SMYD3: variants seen among roughly 807,000 people sequenced by gnomAD.
SMYD3 encodes the protein SET and MYND domain containing 3.
Under a neutral mutation model 57.7 loss-of-function variants are expected in SMYD3, and 36 were observed. The observed-to-expected ratio is 0.62, with a 90% confidence interval of 0.48 to 0.82. The LOEUF (loss-of-function observed/expected upper bound fraction) is 0.82, where lower values mean the gene tolerates loss of function less well. Among genes scored for constraint, SMYD3 ranks in the 40% least tolerant of loss-of-function variants. The pLI, the probability that SMYD3 is intolerant of heterozygous loss-of-function variation, is 0.00. For missense variants in SMYD3, 515 were observed against 538.8 expected (o/e 0.96, Z 0.44); for synonymous variants, 211 against 195.0 (o/e 1.08, Z -0.68).
intron 8 of SMYD3, among the ~76,000 whole-genome samples, chr1:245,873,544 T>A (rs1051323582): frequency 1.3e-5 from 2 of 152,236 alleles, no homozygotes; most frequent in Admixed American, 1.3e-4. Flanking sequence ...TTTGTCTTAA[T>A]GAAGACCAAA....
At chr1:245,752,240 A>T (rs1013382650) in intron 11 of SMYD3, among the ~76,000 whole-genome samples, 1 of 152,222 alleles carries the variant, frequency 6.6e-6, no homozygotes, top group African/African-American at 2.4e-5. Flanking sequence ...CACTGCCTGG[A>T]AAGATCTTTG....
At chr1:246,081,125 G>A (rs1193132762) in intron 5 of SMYD3, among the ~76,000 whole-genome samples, 1 of 152,214 alleles carries the variant, frequency 6.6e-6, no homozygotes, top group African/African-American at 2.4e-5. Flanking sequence ...TTAGCGTTGA[G>A]GAAGGAAAGA....
At position 246,458,541 on chromosome 1, in the gene SMYD3, G is replaced by A. The variant is rs575439732; in HGVS notation, c.164+48513C>T. The stretch of plus-strand genomic sequence containing the variant: ...GGCTCACTGCAACCTCCGCCTCCCA[G>A]GTTCACACCATTCTCCTGCCTCAGT... On this transcript the variant is annotated intron_variant, in intron 1 of 11. Transcript: ENST00000490107. 4.8e-5 allele frequency among the ~76,000 whole-genome samples: 7 copies of A among 145,392 alleles called. No homozygotes were observed. The South Asian group carries it at 1.5e-3, about 32-fold the overall frequency.
intron 5 of SMYD3, among the ~76,000 whole-genome samples, chr1:245,959,280 G>C (rs1264864197): frequency 6.6e-6 from 1 of 152,092 alleles, no homozygotes; most frequent in Non-Finnish European, 1.5e-5. Flanking sequence ...TTTACACTAA[G>C]TGAGGAGCAG....
chr1:246,460,798 C>A (rs1346094215), intron 1 of SMYD3, among the ~76,000 whole-genome samples: 1 of 152,184 alleles, frequency 6.6e-6, no homozygotes, highest in Non-Finnish European at 1.5e-5. Flanking sequence ...TTTTAATTAG[C>A]TAAACAAATC....
chr1:246,428,879 T>A (rs950945833), intron 1 of SMYD3, among the ~76,000 whole-genome samples: 4 of 151,778 alleles, frequency 2.6e-5, no homozygotes, highest in African/African-American at 9.7e-5. Flanking sequence ...TCTCTCCAGT[T>A]CCCTCTGCTC....
chr1:245,950,090 C>T (rs1162786749), intron 5 of SMYD3, among the ~76,000 whole-genome samples: 6 of 152,076 alleles, frequency 3.9e-5, no homozygotes, highest in Admixed American at 3.9e-4. Context: ...AGAAACATGA[C>T]AAAAGCAAGG....
At chr1:245,809,766 C>T (rs2048361949) in intron 10 of SMYD3, among the ~76,000 whole-genome samples, 2 of 152,202 alleles carry the variant, frequency 1.3e-5, no homozygotes. Flanking sequence ...CTTCCCAGGG[C>T]CACACTGCTC....
intron 5 of SMYD3, among the ~76,000 whole-genome samples, chr1:246,028,394 T>C (rs1233478096): frequency 6.6e-6 from 1 of 152,078 alleles, no homozygotes; most frequent in Non-Finnish European, 1.5e-5. Context: ...TTCAGTAAAG[T>C]TGCAAGATAC....
intron 1 of SMYD3, among the ~76,000 whole-genome samples, chr1:246,367,000 G>C (rs2066115296): frequency 6.6e-6 from 1 of 150,790 alleles, no homozygotes; most frequent in South Asian, 2.1e-4. Context: ...ATTTTTTGGG[G>C]AAAAAAAGAG....
intron 5 of SMYD3, among the ~76,000 whole-genome samples, chr1:246,246,823 A>G (rs2063711475): frequency 6.7e-6 from 1 of 148,354 alleles, no homozygotes; most frequent in Non-Finnish European, 1.5e-5. Flanking sequence ...CATTTACACT[A>G]TATATATTTT....
intron 5 of SMYD3, chr1:246,113,694 G>A (rs1392590851): frequency 6.6e-6 from 1 of 152,166 alleles, no homozygotes; most frequent in Non-Finnish European, 1.5e-5. Context: ...CACAGACAGG[G>A]AGGTTCCTGT....
chr1:246,437,172 T>A (rs1274287834), intron 1 of SMYD3, among the ~76,000 whole-genome samples: 1 of 152,184 alleles, frequency 6.6e-6, no homozygotes, highest in Non-Finnish European at 1.5e-5. Flanking sequence ...GTGCTGGGAT[T>A]TCAGAGTTTC....
chr1:245,869,437 T>C (rs1247864032), intron 8 of SMYD3, among the ~76,000 whole-genome samples: 2 of 152,218 alleles, frequency 1.3e-5, no homozygotes, highest in Non-Finnish European at 2.9e-5. Context: ...CTAGTCTGGA[T>C]GGCTGCTATG....
chr1:246,316,160 A>G (rs76581720), intron 5 of SMYD3, among the ~76,000 whole-genome samples: 2,364 of 152,332 alleles, frequency 0.016, 77 homozygotes, highest in East Asian at 0.13. Context: ...TTACATAACC[A>G]CAATATTTCT....
At chr1:246,393,369 C>A (rs188181281) in intron 1 of SMYD3, among the ~76,000 whole-genome samples, 124 of 152,130 alleles carry the variant, frequency 8.2e-4, no homozygotes, top group Middle Eastern at 3.4e-3. Flanking sequence ...TTCAGGATTC[C>A]TACATACATC....
intron 1 of SMYD3, among the ~76,000 whole-genome samples, chr1:246,423,780 G>A (rs1056799692): frequency 6.6e-6 from 1 of 152,112 alleles, no homozygotes; most frequent in East Asian, 1.9e-4. Context: ...TTTAAAAGAG[G>A]GAGGGAGAAG....
intron 5 of SMYD3, among the ~76,000 whole-genome samples, chr1:246,177,089 T>C (rs2062447599): frequency 6.6e-6 from 1 of 152,210 alleles, no homozygotes; most frequent in South Asian, 2.1e-4. Context: ...TATGATTTTA[T>C]TTATGGCTTG....
At chr1:246,255,772 ATTTT>A (rs34095220) in intron 5 of SMYD3, among the ~76,000 whole-genome samples, 8,699 of 135,648 alleles carry the variant, frequency 0.064, 402 homozygotes, top group African/African-American at 0.13. Flanking sequence ...TGTCTGGGGC[ATTTT>A]TTTTTTTTTT....
Sources: gnomAD v4.1 joint callset for allele counts (sites outside exome capture counted in the v4.1 genomes callset) on GRCh38, gnomAD v4.1.1 for gene constraint, MANE v1.5 for transcripts, NCBI Gene and HGNC (gene_info 2026-07-23, HGNC 2026-07-21) for gene names.